The following LMBR1 variants were observed in gnomAD, a reference collection of about 807,000 sequenced individuals.
LMBR1 encodes the protein limb development membrane protein 1, also known as limb region 1 protein homolog.
A neutral mutation model predicts 73.9 loss-of-function variants in LMBR1; 52 were observed. The observed-to-expected ratio is 0.70, with a 90% confidence interval of 0.56 to 0.89. LMBR1 has a LOEUF of 0.89. Ranked by LOEUF, LMBR1 falls within the 40% of genes least tolerant of loss-of-function variation. The pLI, the probability that LMBR1 is intolerant of heterozygous loss-of-function variation, is 0.00. For synonymous variants in LMBR1, 215 were observed against 209.4 expected, an observed-to-expected ratio of 1.03 and a Z score of -0.23; for missense variants, 539 against 579.8, an observed-to-expected ratio of 0.93 and a Z score of 0.72.
chr7:156,796,561 C>T, intron 4 of LMBR1, 69 bp from the exon 5 acceptor site: 2 of 967,400 alleles, frequency 2.1e-6, no homozygotes, highest in Non-Finnish European at 3.0e-6. Context: ...TAATCAAGAT[C>T]TATACTTTTA....
chr7:156,870,117 G>A (rs1023992721), intron 1 of LMBR1, among the ~76,000 whole-genome samples: 9 of 152,154 alleles, frequency 5.9e-5, no homozygotes, highest in African/African-American at 2.2e-4. Context: ...ATAACGATTG[G>A]AGACTTCAAT....
intron 1 of LMBR1, among the ~76,000 whole-genome samples, chr7:156,888,409 CAA>C (rs57071729): frequency 1.3e-3 from 116 of 91,924 alleles, no homozygotes; most frequent in Middle Eastern, 7.5e-3. Context: ...GACTCTGTCT[CAA>C]AAAAAAAAAA....
At chr7:156,884,674 C>T (rs1801605879) in intron 1 of LMBR1, among the ~76,000 whole-genome samples, 1 of 141,006 alleles carries the variant, frequency 7.1e-6, no homozygotes, top group Non-Finnish European at 1.6e-5. Context: ...CACAGTTCCC[C>T]ATGGAACTCA....
chr7:156,738,580 G>A (rs1231457922), intron 9 of LMBR1, among the ~76,000 whole-genome samples: 3 of 152,184 alleles, frequency 2.0e-5, no homozygotes, highest in Admixed American at 6.5e-5. Flanking sequence ...CCTTCTGCTC[G>A]AAGAGAGGAA....
intron 1 of LMBR1, among the ~76,000 whole-genome samples, chr7:156,891,207 AAAAAAT>A (rs1360081529): frequency 1.6e-4 from 15 of 94,574 alleles, no homozygotes; most frequent in African/African-American, 6.5e-4. Flanking sequence ...AAAAAAAAAA[AAAAAAT>A]ATATATATAT....
chr7:156,886,047 G>GAAA (rs59110740), intron 1 of LMBR1, among the ~76,000 whole-genome samples: 2 of 115,720 alleles, frequency 1.7e-5, no homozygotes, highest in Non-Finnish European at 3.7e-5. Flanking sequence ...CTCAAAAAAA[G>GAAA]AAAAAAAAAA....
At chr7:156,780,281 G>T (rs945853635) in intron 5 of LMBR1, among the ~76,000 whole-genome samples, 8 of 152,124 alleles carry the variant, frequency 5.3e-5, no homozygotes, top group Admixed American at 1.3e-4. Flanking sequence ...TGGACAAAAA[G>T]AAAGTGCTTG....
intron 15 of LMBR1, among the ~76,000 whole-genome samples, chr7:156,706,727 A>C (rs1376125496): frequency 6.6e-6 from 1 of 152,232 alleles, no homozygotes; most frequent in East Asian, 1.9e-4. Context: ...GATACAGCAA[A>C]AACAGTGCTA....
At chr7:156,820,743 C>G (rs971664978) in intron 4 of LMBR1, among the ~76,000 whole-genome samples, 1 of 152,172 alleles carries the variant, frequency 6.6e-6, no homozygotes, top group African/African-American at 2.4e-5. Context: ...GTTGCTCCAG[C>G]TGGTTTACTG....
intron 4 of LMBR1, among the ~76,000 whole-genome samples, chr7:156,821,853 G>A (rs545529024): frequency 1.3e-5 from 2 of 152,282 alleles, no homozygotes; most frequent in South Asian, 4.1e-4. Flanking sequence ...ATCATACATG[G>A]ACCCAGCACC....
intron 15 of LMBR1, among the ~76,000 whole-genome samples, chr7:156,694,857 T>C (rs927235702): frequency 1.3e-5 from 2 of 152,154 alleles, no homozygotes; most frequent in Non-Finnish European, 2.9e-5. Context: ...ACTCGACAAC[T>C]TAGATGAAAT....
Position 156,866,375 on chromosome 7 carries a change from T to C in LMBR1, c.66+26553A>G, listed in dbSNP as rs149794576. Among the ~76,000 whole-genome samples, 401 of 152,058 alleles carry C rather than the reference T, an allele frequency of 2.6e-3. 4 individuals carry two copies. Among genetic ancestry groups the C allele is most frequent in the African/African-American group, 9.1e-3 (376 of 41,470 alleles). ...AGAGGAGAGGTCTACGTAAGCTATT[T>C]TGAAACAAAAATCATTAGTTACAGG... On this transcript the variant is annotated intron_variant, in intron 1 of 16. Transcript: ENST00000353442.
rs191147071 is a variant in LMBR1, at chr7:156,771,256, C to A, written c.424-7461G>T. Among the ~76,000 whole-genome samples, 251 of 151,620 alleles carry A rather than the reference C, an allele frequency of 1.7e-3. 1 individual carries two copies. Among genetic ancestry groups the A allele is most frequent in the Middle Eastern group, 6.8e-3 (2 of 294 alleles). On this transcript the variant is annotated intron_variant, in intron 5 of 16. Coordinates refer to ENST00000353442, the MANE Select transcript of LMBR1 (RefSeq NM_022458.4). Reference sequence around the variant, plus strand: ...AGCTGTTCTGAATGAAATAGAGACACGAAAAACCATATGAAAGATCAATGA... The same window carrying A: ...AGCTGTTCTGAATGAAATAGAGACAAGAAAAACCATATGAAAGATCAATGA...
intron 1 of LMBR1, among the ~76,000 whole-genome samples, chr7:156,838,224 T>C (rs971012871): frequency 1.3e-5 from 2 of 152,246 alleles, no homozygotes; most frequent in African/African-American, 4.8e-5. Flanking sequence ...TATAATTTTT[T>C]GTGATGAGAA....
intron 1 of LMBR1, among the ~76,000 whole-genome samples, chr7:156,837,552 C>T (rs961037156): frequency 1.3e-5 from 2 of 151,888 alleles, no homozygotes; most frequent in African/African-American, 2.4e-5. Context: ...ACTAACACAA[C>T]CAAATATTAA....
intron 1 of LMBR1, among the ~76,000 whole-genome samples, chr7:156,855,666 C>CAAAAAAAAAAAAA (rs35231167): frequency 1.1e-5 from 1 of 87,294 alleles, no homozygotes; most frequent in Non-Finnish European, 2.2e-5. Context: ...AACGTAAATA[C>CAAAAAAAAAAAAA]AAAAAAAAAA....
intron 1 of LMBR1, among the ~76,000 whole-genome samples, chr7:156,847,584 G>T (rs1795666112): frequency 6.6e-6 from 1 of 152,164 alleles, no homozygotes; most frequent in African/African-American, 2.4e-5. Flanking sequence ...AGCTCTGAAA[G>T]TTCAACCACA....
At chr7:156,812,843 T>C (rs530362193) in intron 4 of LMBR1, among the ~76,000 whole-genome samples, 2 of 152,294 alleles carry the variant, frequency 1.3e-5, no homozygotes, top group Admixed American at 1.3e-4. Flanking sequence ...CCTTGGTCTC[T>C]CAAAACTCCT....
At chr7:156,885,340 G>A (rs370561196) in intron 1 of LMBR1, among the ~76,000 whole-genome samples, 6 of 150,096 alleles carry the variant, frequency 4.0e-5, no homozygotes, top group South Asian at 2.1e-4. Context: ...GTGACAGAGC[G>A]AGACTCCGTG....
Sources: allele counts gnomAD v4.1 joint callset (sites outside exome capture counted in the v4.1 genomes callset), GRCh38; gene constraint gnomAD v4.1.1; transcripts MANE v1.5; gene names NCBI Gene and HGNC (gene_info 2026-07-23, HGNC 2026-07-21).